DMD: variants seen among roughly 807,000 people sequenced by gnomAD.
The protein encoded by DMD is mutant dystrophin.
Under a neutral mutation model 330.1 loss-of-function variants are expected in DMD, and 63 were observed. That is an observed-to-expected ratio of 0.19 (90% confidence interval 0.16 to 0.24). The LOEUF (loss-of-function observed/expected upper bound fraction) is 0.24. Among genes scored for constraint, DMD ranks in the 10% least tolerant of loss-of-function variants. DMD has a pLI of 1.00. For missense variants in DMD, 3,344 were observed against 2,684.1 expected, an observed-to-expected ratio of 1.25 and a Z score of -5.43; for synonymous variants, 1,223 against 959.8, an observed-to-expected ratio of 1.27 and a Z score of -5.07.
At chrX:32,491,648 C>T (rs2043008950) in intron 19 of DMD, 130 bp from the exon 20 acceptor site, 1 of 643,596 alleles carries the variant, frequency 1.6e-6, no homozygotes, top group African/African-American at 2.2e-5. Context: ...CAATTATTTT[C>T]TAAGATATAA....
intron 60 of DMD, among the ~76,000 whole-genome samples, chrX:31,382,753 C>G (rs1371620037): frequency 9.0e-6 from 1 of 111,430 alleles, no homozygotes; most frequent in Non-Finnish European, 1.9e-5. Context: ...CTTCCTTCAG[C>G]TTAATCCCTC....
intron 44 of DMD, among the ~76,000 whole-genome samples, chrX:31,989,265 C>T (rs2095532966): frequency 9.0e-6 from 1 of 111,625 alleles, no homozygotes; most frequent in Non-Finnish European, 1.9e-5. Flanking sequence ...GTCTCGGTAC[C>T]CTGCGGCCCA....
rs1165287067 is a variant in DMD at position 31,913,687 on chromosome X, A to G, written c.6912+15909T>C. On this transcript the variant is annotated intron_variant, in intron 47 of 78. Transcript: ENST00000357033. The stretch of plus-strand genomic sequence containing the variant: ...TTGTGGTGAAGAATAAGTCAATGAC[A>G]AGGTCAGCATCCATTCCAGAGGAAG... 1.8e-5 allele frequency among the ~76,000 whole-genome samples: 2 copies of G among 111,668 alleles called. 1 individual carries two copies. The highest frequency in any genetic ancestry group is 8.4e-3 in the Middle Eastern group (2 of 239).
At chrX:31,733,475 C>G (rs766476404) in intron 51 of DMD, among the ~76,000 whole-genome samples, 5 of 110,129 alleles carry the variant, frequency 4.5e-5, no homozygotes, top group African/African-American at 1.7e-4. Context: ...GCATAAATGC[C>G]CATGATGATT....
intron 29 of DMD, among the ~76,000 whole-genome samples, chrX:32,426,490 T>G (rs745311042): frequency 8.1e-5 from 9 of 110,989 alleles, no homozygotes; most frequent in Non-Finnish European, 1.7e-4. Flanking sequence ...CAGATGCTGT[T>G]GGGATGGCAG....
At chrX:32,470,442 G>T (rs975700222) in intron 22 of DMD, among the ~76,000 whole-genome samples, 1 of 107,702 alleles carries the variant, frequency 9.3e-6, no homozygotes, top group African/African-American at 3.6e-5. Context: ...AACTTTGGGG[G>T]AAATGTTCAT....
intron 51 of DMD, among the ~76,000 whole-genome samples, chrX:31,733,566 C>G (rs1209882253): frequency 9.0e-6 from 1 of 111,604 alleles, no homozygotes; most frequent in Non-Finnish European, 1.9e-5. Flanking sequence ...ATTTTATTTA[C>G]AACTTCAAAA....
chrX:31,833,310 G>T lies in DMD; in HGVS notation c.7200+3408C>A, dbSNP rs1424901891. Among the ~76,000 whole-genome samples, 23 of 65,447 alleles carry T rather than the reference G, an allele frequency of 3.5e-4. 2 individuals carry two copies. The highest frequency in any genetic ancestry group is 2.2e-3 in the Admixed American group (13 of 5,863). The allele number at this position is 65,447 out of a possible 115,157, so 56.8% of individuals were successfully genotyped here. A position where few individuals can be genotyped will look rare whatever the true frequency, so the allele number is the denominator to read the frequency against. On this transcript the variant is annotated intron_variant, in intron 49 of 78. Transcript: ENST00000357033. ...AGAGAGAGGGAGAGAGGGAGAGAGG[G>T]AGAGAGGGAGAGAGGGAGAGAGGGA...
chrX:31,470,131 C>T (rs1215574592), intron 59 of DMD, among the ~76,000 whole-genome samples: 7 of 110,676 alleles, frequency 6.3e-5, no homozygotes, highest in East Asian at 5.7e-4. Flanking sequence ...TCCTTTAGCT[C>T]GTAAGAGTTT....
At chrX:32,840,235 C>A (rs914392227) in intron 4 of DMD, among the ~76,000 whole-genome samples, 1 of 111,696 alleles carries the variant, frequency 9.0e-6, no homozygotes, top group African/African-American at 3.3e-5. Flanking sequence ...TATTTTGGGG[C>A]CTTTTCCCTA....
At chrX:32,243,770 C>T (rs2097218493) in intron 43 of DMD, among the ~76,000 whole-genome samples, 1 of 111,258 alleles carries the variant, frequency 9.0e-6, no homozygotes, top group African/African-American at 3.3e-5. Context: ...ATTTCCAGCA[C>T]ATCGACTCAA....
chrX:32,085,871 A>G (rs1385233998), intron 44 of DMD, among the ~76,000 whole-genome samples: 1 of 110,971 alleles, frequency 9.0e-6, no homozygotes, highest in Admixed American at 9.7e-5. Flanking sequence ...TTCTGGGTAT[A>G]CACCCATGTG....
At chrX:32,453,894 A>G (rs1331572540) in intron 26 of DMD, among the ~76,000 whole-genome samples, 1 of 111,485 alleles carries the variant, frequency 9.0e-6, no homozygotes, top group African/African-American at 3.2e-5. Context: ...GCACATAAAA[A>G]TAATAATTAT....
At chrX:31,517,448 G>C (rs2072331318) in intron 55 of DMD, among the ~76,000 whole-genome samples, 2 of 112,028 alleles carry the variant, frequency 1.8e-5, no homozygotes, top group Admixed American at 9.5e-5. Flanking sequence ...AGGAAGTTCA[G>C]GTTCAAAGGG....
intron 47 of DMD, among the ~76,000 whole-genome samples, chrX:31,881,050 C>T (rs778422258): frequency 9.0e-6 from 1 of 110,874 alleles, no homozygotes; most frequent in East Asian, 2.8e-4. Flanking sequence ...GGCTCATGTG[C>T]GTGTTTGTGT....
chrX:31,559,179 T>C (rs2075032769), intron 55 of DMD, among the ~76,000 whole-genome samples: 1 of 112,174 alleles, frequency 8.9e-6, no homozygotes, highest in Non-Finnish European at 1.9e-5. Context: ...GTGAATTTAA[T>C]TAGTAGGCAA....
At chrX:32,057,866 C>T (rs952608600) in intron 44 of DMD, among the ~76,000 whole-genome samples, 6 of 110,977 alleles carry the variant, frequency 5.4e-5, no homozygotes, top group South Asian at 3.7e-4. Flanking sequence ...CAGTCAAGAG[C>T]GCACGATAGT....
intron 54 of DMD, among the ~76,000 whole-genome samples, chrX:31,651,547 C>T (rs1371739542): frequency 1.8e-5 from 2 of 111,730 alleles, no homozygotes; most frequent in African/African-American, 6.5e-5. Flanking sequence ...CTACTCCACA[C>T]ATCTCCTAGA....
intron 50 of DMD, among the ~76,000 whole-genome samples, chrX:31,809,082 G>T (rs2092379208): frequency 9.4e-6 from 1 of 106,386 alleles, no homozygotes; most frequent in Non-Finnish European, 1.9e-5. Flanking sequence ...TTTCAATATT[G>T]TCTCTCATAT....
Sources: gnomAD v4.1 joint callset for allele counts (sites outside exome capture counted in the v4.1 genomes callset) on GRCh38, gnomAD v4.1.1 for gene constraint, MANE v1.5 for transcripts, NCBI Gene and HGNC (gene_info 2026-07-23, HGNC 2026-07-21) for gene names.